Variants in STK24 observed in about 807,000 individuals in gnomAD.
STK24 encodes the protein serine/threonine kinase 24.
Under a neutral mutation model 55.6 loss-of-function variants are expected in STK24, and 21 were observed. The ratio of observed to expected loss-of-function variants is 0.38; its 90% confidence interval spans 0.27 to 0.54. The LOEUF (loss-of-function observed/expected upper bound fraction) is 0.54. STK24 is among the 20% of genes least tolerant of loss of function. STK24 has a pLI of 0.79. For synonymous variants in STK24, 200 were observed against 215.2 expected, an observed-to-expected ratio of 0.93 and a Z score of 0.62; for missense variants, 383 against 538.4, an observed-to-expected ratio of 0.71 and a Z score of 2.86.
chr13:98,498,628 C>A (rs151245570), intron 2 of STK24, among the ~76,000 whole-genome samples: 5 of 152,194 alleles, frequency 3.3e-5, no homozygotes, highest in African/African-American at 9.6e-5. Flanking sequence ...TAGGGCTGGA[C>A]CTGGCTGCCC....
At chr13:98,574,614 G>C (rs72646410) in intron 1 of STK24, among the ~76,000 whole-genome samples, 3,410 of 152,214 alleles carry the variant, frequency 0.022, 63 homozygotes, top group East Asian at 0.093. Context: ...ATGTACTTAG[G>C]TACAGGAATG....
rs1893301927 is a variant in STK24, at chr13:98,453,538, C to A, written c.1260-329G>T. The A allele has an allele frequency of 1.6e-5, 4 of 246,134 alleles. No individual in the cohort carries two copies. The South Asian group carries it at 3.2e-4, about 20-fold the overall frequency. 15.2% of individuals were successfully genotyped at this position (246,134 alleles called of 1,614,324 possible). A position where few individuals can be genotyped will look rare whatever the true frequency, so the allele number is the denominator to read the frequency against. On this transcript the variant is annotated intron_variant, in intron 10 of 10. Transcript: ENST00000539966. ...GTGAACATTGATCCATACATGATGA[C>A]ACAGTAAGATTCCAGGGATGCATAT...
At chr13:98,573,814 C>T (rs1897802930) in intron 1 of STK24, among the ~76,000 whole-genome samples, 1 of 152,114 alleles carries the variant, frequency 6.6e-6, no homozygotes, top group South Asian at 2.1e-4. Context: ...ATGATCTCAC[C>T]TTGGTCAGTT....
chr13:98,467,259 TCCC>T (rs1249157144), intron 5 of STK24, among the ~76,000 whole-genome samples: 3 of 152,242 alleles, frequency 2.0e-5, no homozygotes, highest in Non-Finnish European at 4.4e-5. Context: ...GTCCATGTGT[TCCC>T]CGAGTATATT....
rs1179455449 is a variant in STK24 at position 98,450,416 on chromosome 13, A to G, written c.*2757T>C. On this transcript the variant is annotated 3_prime_UTR_variant, in exon 11 of 11. Transcript: ENST00000539966. ...CATACAGAACCAAACCAGCCACTTC[A>G]CAAGAGCAATGCAGGGATAAAACTA... 6.6e-6 allele frequency: 1 copy of G among 151,968 alleles called. No individual in the cohort carries two copies. Among genetic ancestry groups the G allele is most frequent in the East Asian group, 1.9e-4 (1 of 5,204 alleles). 9.4% of individuals were successfully genotyped at this position (151,968 alleles called of 1,614,324 possible). A position where few individuals can be genotyped will look rare whatever the true frequency, so the allele number is the denominator to read the frequency against.
intron 2 of STK24, among the ~76,000 whole-genome samples, chr13:98,499,542 C>G (rs1371187144): frequency 1.3e-5 from 2 of 152,170 alleles, no homozygotes; most frequent in Non-Finnish European, 2.9e-5. Flanking sequence ...GGTGGAATGT[C>G]ATGTTTCCAT....
At chr13:98,567,912 C>A (rs1192360787) in intron 1 of STK24, among the ~76,000 whole-genome samples, 3 of 120,214 alleles carry the variant, frequency 2.5e-5, no homozygotes, top group African/African-American at 9.8e-5. Context: ...ATCTCAGAAG[C>A]TGGAAAGTAG....
At chr13:98,521,261 C>G (rs1054214806) in intron 1 of STK24, among the ~76,000 whole-genome samples, 1 of 148,742 alleles carries the variant, frequency 6.7e-6, no homozygotes, top group African/African-American at 2.5e-5. Flanking sequence ...GGTGATTAAT[C>G]GAGAGGCATT....
At chr13:98,472,143 A>G (rs978522779) in intron 5 of STK24, among the ~76,000 whole-genome samples, 2 of 152,206 alleles carry the variant, frequency 1.3e-5, no homozygotes, top group African/African-American at 4.8e-5. Flanking sequence ...CTGCCAGTCC[A>G]GAGCCACGCC....
At chr13:98,461,217 G>C (rs7985565) in intron 8 of STK24, among the ~76,000 whole-genome samples, 38,551 of 152,048 alleles carry the variant, frequency 0.25, 5,018 homozygotes, top group Non-Finnish European at 0.29. Context: ...TATCAAAGCG[G>C]GACTTGTAGG....
chr13:98,474,397 T>A (rs1273412857), intron 5 of STK24, among the ~76,000 whole-genome samples: 1 of 152,154 alleles, frequency 6.6e-6, no homozygotes, highest in African/African-American at 2.4e-5. Flanking sequence ...TGGGAGCCCC[T>A]TTCTCTACAG....
At chr13:98,558,777 C>A (rs1897338518) in intron 1 of STK24, among the ~76,000 whole-genome samples, 1 of 152,148 alleles carries the variant, frequency 6.6e-6, no homozygotes, top group African/African-American at 2.4e-5. Flanking sequence ...GAACAGTCCA[C>A]ATATTTTAAA....
At chr13:98,500,457 G>A (rs1473626262) in intron 2 of STK24, among the ~76,000 whole-genome samples, 1 of 152,178 alleles carries the variant, frequency 6.6e-6, no homozygotes, top group Non-Finnish European at 1.5e-5. Context: ...AGGAAATGCT[G>A]CATATTAAAC....
At chr13:98,537,341 C>T (rs973625387) in intron 1 of STK24, among the ~76,000 whole-genome samples, 6 of 152,204 alleles carry the variant, frequency 3.9e-5, no homozygotes, top group Admixed American at 1.3e-4. Flanking sequence ...GATGGCGTTA[C>T]CCTATGGCCG....
chr13:98,445,879 G>A lies in STK24; in HGVS notation c.*7294C>T. The A allele has an allele frequency of 7.8e-6, 4 of 511,296 alleles. No individual in the cohort carries two copies. The South Asian group carries it at 9.5e-5, about 12-fold the overall frequency. 31.7% of individuals were successfully genotyped at this position (511,296 alleles called of 1,614,324 possible). On this transcript the variant is annotated 3_prime_UTR_variant, in exon 11 of 11. Coordinates refer to ENST00000539966, the MANE Select transcript of STK24 (RefSeq NM_001032296.4). ...AACGTGTCTTTTGGGGGGACACAGG[G>A]ACCCCAAGATGCCCCACAGCAAGTG...
intron 1 of STK24, among the ~76,000 whole-genome samples, chr13:98,563,800 T>C (rs1897494579): frequency 6.6e-6 from 1 of 150,706 alleles, no homozygotes; most frequent in East Asian, 2.0e-4. Context: ...GCGGAGCTTG[T>C]AGTGAGCTGA....
intron 1 of STK24, among the ~76,000 whole-genome samples, chr13:98,525,383 C>T (rs188060842): frequency 5.3e-5 from 8 of 152,284 alleles, no homozygotes; most frequent in Non-Finnish European, 7.4e-5. Context: ...AGAATCAGGA[C>T]GCCCAAGGGC....
rs1388206470 is a variant in STK24 at position 98,576,815 on chromosome 13, G to C, written c.-29C>G. On this transcript the variant is annotated 5_prime_UTR_variant, in exon 1 of 11. Coordinates refer to ENST00000539966, the MANE Select transcript of STK24 (RefSeq NM_001032296.4). The stretch of plus-strand genomic sequence containing the variant: ...GCTCAGGACGGCCACTTCCTGGGAC[G>C]GGACGGCCGGGCCGCGACGATCCGC... The C allele has an allele frequency of 7.8e-6, 10 of 1,284,728 alleles. No homozygotes were observed. The highest frequency in any genetic ancestry group is 6.3e-5 in the African/African-American group (4 of 63,770). The allele number at this position is 1,284,728 out of a possible 1,614,324, so 79.6% of individuals were successfully genotyped here. A position where few individuals can be genotyped will look rare whatever the true frequency, so the allele number is the denominator to read the frequency against.
At chr13:98,543,144 C>T (rs1896934597) in intron 1 of STK24, 1 of 398,708 alleles carries the variant, frequency 2.5e-6, no homozygotes, top group African/African-American at 2.2e-5. Flanking sequence ...TTTACAGCTT[C>T]GGGAAAATCC....
Sources: allele counts gnomAD v4.1 joint callset (sites outside exome capture counted in the v4.1 genomes callset), GRCh38; gene constraint gnomAD v4.1.1; transcripts MANE v1.5; gene names NCBI Gene and HGNC (gene_info 2026-07-23, HGNC 2026-07-21).